Variants in PMEL observed in about 807,000 individuals in gnomAD.
PMEL encodes premelanosome protein, also known as melanocyte protein PMEL.
A neutral mutation model predicts 64.9 loss-of-function variants in PMEL; 53 were observed. The observed-to-expected ratio is 0.82, with a 90% CI of 0.66 to 1.03. The LOEUF (loss-of-function observed/expected upper bound fraction) is 1.03, where lower values mean the gene tolerates loss of function less well. Ranked by LOEUF, PMEL falls within the 50% of genes least tolerant of loss-of-function variation. The pLI is 0.00. For missense variants in PMEL, 716 were observed against 814.9 expected (o/e 0.88, Z 1.48); for synonymous variants, 299 against 316.2 (o/e 0.95, Z 0.58).
intron 10 of PMEL, 144 bp downstream of exon 10, chr12:55,955,130 C>A: frequency 1.4e-6 from 1 of 733,620 alleles, no homozygotes; most frequent in Non-Finnish European, 2.5e-6. Context: ...GACTGCAACC[C>A]AAGTCTGTCT....
chr12:55,960,804 C>T lies in PMEL; in HGVS notation c.334+513G>A, dbSNP rs530526463. Among the ~76,000 whole-genome samples, 597 of 150,532 alleles carry T rather than the reference C, an allele frequency of 4.0e-3. 1 individual carries two copies. Among genetic ancestry groups the T allele is most frequent in the African/African-American group, 0.014 (559 of 41,230 alleles). ...CCTCGTGATCCGCCCGCCTCGGCCTCCCGAAGTGCTGCGATTACAGGCGTG... is the reference window on the plus strand; with the variant it reads ...CCTCGTGATCCGCCCGCCTCGGCCTTCCGAAGTGCTGCGATTACAGGCGTG... On this transcript the variant is annotated intron_variant, in intron 3 of 10. Transcript: ENST00000548747.
rs1888965265 is a variant in PMEL at position 55,958,081 on chromosome 12, T to C, written c.473A>G (p.Gln158Arg). 6.2e-7 allele frequency: 1 copy of C among 1,613,796 alleles called. No individual in the cohort carries two copies. The highest frequency in any genetic ancestry group is 8.5e-7 in the Non-Finnish European group (1 of 1,179,856). Residue 158 changes from glutamine to arginine, a missense_variant, in exon 5 of 11, where the codon CAA becomes CGA. By Grantham distance (43) the Gln-to-Arg change is conservative. Transcript: ENST00000548747. Reference protein sequence around the residue: ...SFVYVWKTWGQYWQVLGGPVS... With the variant: ...SFVYVWKTWGRYWQVLGGPVS... Reference sequence around the variant, plus strand: ...TGGGCCCCCTAGAACTTGCCAGTATTGGCCTGAAGTTTTTGGAATGAAAAG... The same window carrying C: ...TGGGCCCCCTAGAACTTGCCAGTATCGGCCTGAAGTTTTTGGAATGAAAAG...
chr12:55,954,813 A>G (rs1339601694), intron 10 of PMEL, among the ~76,000 whole-genome samples: 1 of 152,140 alleles, frequency 6.6e-6, no homozygotes, highest in African/African-American at 2.4e-5. Context: ...CTGAAGCAGG[A>G]GAATCGCTTG....
In PMEL at chr12:55,957,959, G is replaced by A; in HGVS notation, c.595C>T (p.Pro199Ser). The change falls in exon 5 of 11, where the codon CCT becomes TCT. Residue 199 changes from proline (P) to serine (S), a missense_variant. Coordinates refer to ENST00000548747, the MANE Select transcript of PMEL (RefSeq NM_001384361.1). The stretch of plus-strand genomic sequence containing the variant: ...AAGGCTGAGCTGGAATGAGCAAGAG[G>A]CACATAGCTCCGGGATCCCCGGCGA... Reference protein sequence around the residue: ...YHRRGSRSYVPLAHSSSAFTI... With the variant: ...YHRRGSRSYVSLAHSSSAFTI... 6.2e-7 allele frequency: 1 copy of A among 1,614,192 alleles called. No individual in the cohort carries two copies. Among genetic ancestry groups the A allele is most frequent in the Non-Finnish European group, 8.5e-7 (1 of 1,180,042 alleles).
At chr12:55,955,429 C>G (rs776221935) in intron 9 of PMEL, 35 bp downstream of exon 9, 2 of 1,612,976 alleles carry the variant, frequency 1.2e-6, no homozygotes, top group Non-Finnish European at 1.7e-6. Flanking sequence ...TCTATCCACT[C>G]CCTTCCTCAT....
intron 10 of PMEL, among the ~76,000 whole-genome samples, chr12:55,955,052 A>C (rs1182150129): frequency 6.6e-6 from 1 of 152,212 alleles, no homozygotes; most frequent in Non-Finnish European, 1.5e-5. Context: ...CCACAGGGCA[A>C]GTATTAGTTT....
At chr12:55,955,219 G>A in intron 10 of PMEL, 55 bp downstream of exon 10, 2 of 1,265,594 alleles carry the variant, frequency 1.6e-6, no homozygotes. Context: ...TTGAGGAAAA[G>A]TGAGTAGTGA....
Position 55,957,969 on chromosome 12 carries a change from C to T in PMEL, c.585G>A (p.Arg195=), listed in dbSNP as rs1189550868. Residue 195 remains arginine (R), a synonymous_variant, in exon 5 of 11, where the codon CGG becomes CGA. Transcript: ENST00000548747. ...TGGAATGAGCAAGAGGCACATAGCTCCGGGATCCCCGGCGATGGTAGACAG... is the reference window on the plus strand; with the variant it reads ...TGGAATGAGCAAGAGGCACATAGCTTCGGGATCCCCGGCGATGGTAGACAG... ...EVTVYHRRGS[R]SYVPLAHSSS... is the part of the protein sequence containing the mutation. The T allele has an allele frequency of 1.2e-6, 2 of 1,614,220 alleles. No homozygotes were observed. Among genetic ancestry groups the T allele is most frequent in the Non-Finnish European group, 1.7e-6 (2 of 1,180,046 alleles).
Position 55,965,951 on chromosome 12 carries a change from C to T in PMEL, c.61G>A (p.Val21Met), listed in dbSNP as rs780275011. The change falls in exon 1 of 11, where the codon GTG (valine) becomes ATG (methionine). Residue 21 changes from valine to methionine, a missense_variant. By Grantham distance (21) the Val-to-Met change is conservative (BLOSUM62 1). Coordinates refer to ENST00000548747, the MANE Select transcript of PMEL (RefSeq NM_001384361.1). ...HLAVIGALLA[V>M]GATKVPRNQD... is the part of the protein sequence containing the mutation. ...CCACACATACCTTTTGTAGCCCCCA[C>T]AGCCAGCAAAGCACCTATCACAGCC... The T allele has an allele frequency of 2.5e-6, 4 of 1,614,246 alleles. No individual in the cohort carries two copies. The highest frequency in any genetic ancestry group is 3.4e-6 in the Non-Finnish European group (4 of 1,180,046).
intron 4 of PMEL, 77 bp from the exon 5 acceptor site, chr12:55,958,161 C>A: frequency 6.9e-7 from 1 of 1,444,660 alleles, no homozygotes; most frequent in Non-Finnish European, 9.6e-7. Flanking sequence ...TTCGAAACGG[C>A]ACTGGAGATG....
intron 1 of PMEL, 22 bp from the exon 2 acceptor site, chr12:55,961,754 G>C (rs752032233): frequency 2.6e-5 from 40 of 1,513,078 alleles, no homozygotes; most frequent in Non-Finnish European, 2.8e-6. Flanking sequence ...GTGCCATGAA[G>C]GGCCCTAGGA....
In PMEL at chr12:55,961,319, T is replaced by G. The variant is rs773241850; in HGVS notation, c.332A>C (p.Asn111Thr). The stretch of plus-strand genomic sequence containing the variant: ...ACCTAGAATAGAGAAGTACTCACCA[T>G]TGATGATGGTATTGTTGACCCAGAT... Reference protein sequence around the residue: ...QVIWVNNTIINGSQVWGGQPV... With the variant: ...QVIWVNNTIITGSQVWGGQPV... The change falls in exon 3 of 11, where the codon AAT (asparagine) becomes ACT (threonine). Residue 111 changes from asparagine to threonine, a missense_variant and splice_region_variant. By Grantham distance (65) the Asn-to-Thr change is moderately conservative. Transcript: ENST00000548747. 3 of 1,613,906 alleles carry G rather than the reference T, an allele frequency of 1.9e-6. No individual in the cohort carries two copies. In the African/African-American group the frequency reaches 4.0e-5, roughly 22 times the overall value.
chr12:55,956,647 G>T, intron 6 of PMEL: 1 of 351,216 alleles, frequency 2.8e-6, no homozygotes, highest in Non-Finnish European at 5.2e-6. Context: ...AACAGAAAAT[G>T]AGCTATAAAT....
At chr12:55,955,041 C>T (rs747529182) in intron 10 of PMEL, among the ~76,000 whole-genome samples, 4 of 152,172 alleles carry the variant, frequency 2.6e-5, no homozygotes, top group Non-Finnish European at 5.9e-5. Context: ...TTACAACAGC[C>T]CCACAGGGCA....
chr12:55,960,928 G>T (rs201814079), intron 3 of PMEL, among the ~76,000 whole-genome samples: 2 of 150,670 alleles, frequency 1.3e-5, no homozygotes, highest in East Asian at 4.0e-4. Flanking sequence ...AGGAGGCCGG[G>T]TGCGATGGCT....
chr12:55,955,624 C>A lies in PMEL; in HGVS notation c.1602G>T (p.Gln534His), dbSNP rs368495774. ...ACMEISSPGC[Q>H]PPAQRLCQPV... ...GCTGGCACAGCCGCTGGGCAGGGGG[C>A]TGGCACCCTGGCGATGAGATCTCCA... is the stretch of plus-strand genomic sequence containing the variant. Residue 534 changes from glutamine to histidine, a missense_variant, in exon 9 of 11, where the codon CAG becomes CAT. Coordinates refer to ENST00000548747, the MANE Select transcript of PMEL (RefSeq NM_001384361.1). The A allele has an allele frequency of 6.2e-6, 10 of 1,613,456 alleles. No individual in the cohort carries two copies. In the African/African-American group the frequency reaches 1.3e-4, roughly 22 times the overall value.
Position 55,955,580 on chromosome 12 carries a change from GC to G in PMEL, c.1645del (p.Ala549ProfsTer10), listed in dbSNP as rs1888839636. The G allele has an allele frequency of 6.2e-7, 1 of 1,613,908 alleles. No homozygotes were observed. The highest frequency in any genetic ancestry group is 1.3e-5 in the African/African-American group (1 of 74,926). On this transcript the variant is annotated frameshift_variant, in exon 9 of 11. Transcript: ENST00000548747. LOFTEE classifies it high-confidence loss of function. ...TATCTGGTGCAGAACCAGCTGGCAG[GC>G]TGGGCTGGGTAGCACAGGCTGGCAC... Reference protein sequence around the residue: ...RLCQPVLPSPACQLVLHQILK... With the variant: ...RLCQPVLPSPXCQLVLHQILK...
Position 55,957,640 on chromosome 12 carries a change from C to A in PMEL, c.663G>T (p.Gln221His), listed in dbSNP as rs753318740. The A allele has an allele frequency of 1.9e-6, 3 of 1,612,452 alleles. No homozygotes were observed. The South Asian group carries it at 3.3e-5, about 18-fold the overall frequency. The change falls in exon 6 of 11, where the codon CAG (glutamine) becomes CAT (histidine). Residue 221 changes from glutamine to histidine, a missense_variant. By Grantham distance (24) the Gln-to-His change is conservative (BLOSUM62 0). Coordinates refer to ENST00000548747, the MANE Select transcript of PMEL (RefSeq NM_001384361.1). ...DQVPFSVSVS[Q>H]LRALDGGNKH... ...TGTTCCCTCCATCCAAGGCCCGCAA[C>A]TGGGACACGCTCACGGAGAAAGGCA...
chr12:55,960,707 T>A (rs1219766379), intron 3 of PMEL, among the ~76,000 whole-genome samples: 1 of 148,780 alleles, frequency 6.7e-6, no homozygotes, highest in Non-Finnish European at 1.5e-5. Context: ...CACGCCCGGC[T>A]AATTTTTTGT....
Sources: allele counts gnomAD v4.1 joint callset (sites outside exome capture counted in the v4.1 genomes callset), GRCh38; gene constraint gnomAD v4.1.1; transcripts MANE v1.5; gene names NCBI Gene and HGNC (gene_info 2026-07-23, HGNC 2026-07-21).